PRDM1: variants seen among roughly 807,000 people sequenced by gnomAD.
The protein encoded by PRDM1 is PR domain zinc finger protein 1.
PRDM1 carries 13 observed loss-of-function variants against 62.8 expected under a neutral mutation model. The observed-to-expected ratio is 0.21, with a 90% CI of 0.13 to 0.33. The LOEUF (loss-of-function observed/expected upper bound fraction) is 0.33. PRDM1 is among the 10% of genes least tolerant of loss of function. The pLI is 1.00. For missense variants in PRDM1, 895 were observed against 1,058.8 expected, an observed-to-expected ratio of 0.85 and a Z score of 2.15; for synonymous variants, 396 against 417.6, an observed-to-expected ratio of 0.95 and a Z score of 0.63.
At chr6:106,098,168 A>G (rs1329926467) in intron 3 of PRDM1, 2 of 984,840 alleles carry the variant, frequency 2.0e-6, no homozygotes, top group African/African-American at 3.5e-5. Context: ...TGCTACGAAC[A>G]GTGCCTTACT....
At chr6:106,098,580 A>C in intron 3 of PRDM1, 1 of 1,304,616 alleles carries the variant, frequency 7.7e-7, no homozygotes, top group Admixed American at 2.3e-5. Flanking sequence ...CATTGAAAGG[A>C]AAGTGCAAGT....
chr6:106,005,617 C>T (rs146806368), intron 1 of PRDM1, among the ~76,000 whole-genome samples: 1,686 of 152,296 alleles, frequency 0.011, 27 homozygotes, highest in Non-Finnish European at 0.018. Flanking sequence ...CTATGAGTTT[C>T]AATTTTTCAC....
At chr6:106,029,648 C>T (rs780004017) in intron 1 of PRDM1, among the ~76,000 whole-genome samples, 1 of 151,976 alleles carries the variant, frequency 6.6e-6, no homozygotes, top group Non-Finnish European at 1.5e-5. Context: ...ACTCTGTCAC[C>T]CAGGCTGAGT....
At chr6:106,013,156 T>C (rs1276096177) in intron 1 of PRDM1, among the ~76,000 whole-genome samples, 1 of 151,900 alleles carries the variant, frequency 6.6e-6, no homozygotes, top group Non-Finnish European at 1.5e-5. Flanking sequence ...AGTGCTGAGA[T>C]TACAGGTGTG....
chr6:106,105,342 C>G lies in PRDM1; in HGVS notation c.1182C>G (p.Pro394=). 1.9e-6 allele frequency: 3 copies of G among 1,613,412 alleles called. No individual in the cohort carries two copies. The highest frequency in any genetic ancestry group is 2.5e-6 in the Non-Finnish European group (3 of 1,179,566). ...EGLGSYPGYA[P]LPHLPPAFIP... ...TGGGCTCCTACCCTGGCTACGCACC[C>G]CTGCCCCACCTCCCGCCAGCTTTCA... The change falls in exon 5 of 7, where the codon CCC becomes CCG. Residue 394 remains proline, a synonymous_variant. Transcript: ENST00000369096.
chr6:106,033,445 C>T (rs906138058), intron 1 of PRDM1, among the ~76,000 whole-genome samples: 24 of 151,892 alleles, frequency 1.6e-4, no homozygotes, highest in African/African-American at 4.8e-4. Context: ...TGAGCCACTA[C>T]GCCTGGAGAT....
intron 2 of PRDM1, among the ~76,000 whole-genome samples, chr6:106,093,384 G>A (rs1189868444): frequency 6.6e-6 from 1 of 152,188 alleles, no homozygotes; most frequent in Admixed American, 6.5e-5. Flanking sequence ...ATCTGTAAGA[G>A]ACTATAATTT....
chr6:106,005,467 A>T (rs1772471748), intron 1 of PRDM1, among the ~76,000 whole-genome samples: 1 of 152,198 alleles, frequency 6.6e-6, no homozygotes, highest in Non-Finnish European at 1.5e-5. Flanking sequence ...TCTTCCAATA[A>T]CTTGCCAAAT....
intron 1 of PRDM1, among the ~76,000 whole-genome samples, chr6:106,016,158 A>T (rs1772617120): frequency 6.6e-6 from 1 of 152,088 alleles, no homozygotes; most frequent in African/African-American, 2.4e-5. Context: ...TCAGAATTTC[A>T]TTCCTTTATG....
chr6:106,032,170 T>C (rs1057142169), intron 1 of PRDM1, among the ~76,000 whole-genome samples: 1 of 146,000 alleles, frequency 6.8e-6, no homozygotes, highest in Non-Finnish European at 1.5e-5. Context: ...TAAAGAATAC[T>C]TTATTTATTT....
intron 1 of PRDM1, among the ~76,000 whole-genome samples, chr6:106,036,765 GC>G (rs1441623380): frequency 1.3e-5 from 2 of 152,070 alleles, no homozygotes; most frequent in African/African-American, 4.8e-5. Context: ...TTTGAGACCA[GC>G]CTGGCCAACC....
chr6:106,086,353 G>T lies in PRDM1; in HGVS notation c.-201G>T, dbSNP rs538212684. The T allele has an allele frequency of 3.8e-6, 2 of 521,404 alleles. No individual in the cohort carries two copies. The highest frequency in any genetic ancestry group is 3.4e-6 in the Non-Finnish European group (1 of 290,154). 32.3% of individuals were successfully genotyped at this position (521,404 alleles called of 1,614,324 possible). ...AGACGGTTAACACAGACAAAGTGCT[G>T]CCGTGACACTCGGCCCTCCAGTGTT... On this transcript the variant is annotated 5_prime_UTR_variant, in exon 1 of 7. Coordinates refer to ENST00000369096, the MANE Select transcript of PRDM1 (RefSeq NM_001198.4).
intron 1 of PRDM1, among the ~76,000 whole-genome samples, chr6:106,071,728 C>A (rs749913133): frequency 2.6e-5 from 4 of 151,898 alleles, no homozygotes; most frequent in Non-Finnish European, 5.9e-5. Flanking sequence ...TCAGTCCAAG[C>A]CATATATTCA....
At chr6:106,038,166 G>A (rs1329120817) in intron 1 of PRDM1, among the ~76,000 whole-genome samples, 3 of 151,612 alleles carry the variant, frequency 2.0e-5, no homozygotes, top group African/African-American at 4.8e-5. Flanking sequence ...TCTATTTTTA[G>A]TAGACACAGG....
chr6:106,081,689 T>C (rs1773696938), upstream of PRDM1, among the ~76,000 whole-genome samples: 1 of 152,168 alleles, frequency 6.6e-6, no homozygotes, highest in Non-Finnish European at 1.5e-5. Context: ...GTGAAGAAAG[T>C]CAAGCCTCTA....
chr6:105,993,126 C>T (rs1215357461), upstream of PRDM1, among the ~76,000 whole-genome samples: 1 of 152,234 alleles, frequency 6.6e-6, no homozygotes, highest in Non-Finnish European at 1.5e-5. Context: ...CATGTCGACC[C>T]TCCTTTTACA....
At chr6:106,050,853 T>C (rs1773161913) in intron 1 of PRDM1, among the ~76,000 whole-genome samples, 1 of 152,200 alleles carries the variant, frequency 6.6e-6, no homozygotes, top group Admixed American at 6.5e-5. Flanking sequence ...ATTCAAAAGT[T>C]ACAAGTAAAG....
intron 1 of PRDM1, among the ~76,000 whole-genome samples, chr6:106,010,912 A>G (rs1258998468): frequency 6.6e-6 from 1 of 152,108 alleles, no homozygotes; most frequent in African/African-American, 2.4e-5. Flanking sequence ...CTTGCTCAGG[A>G]CTACAGGTTT....
chr6:106,104,430 C>T (rs1469458847), intron 4 of PRDM1, among the ~76,000 whole-genome samples: 1 of 152,126 alleles, frequency 6.6e-6, no homozygotes, highest in Non-Finnish European at 1.5e-5. Context: ...AGGCTGGTCT[C>T]GAACTTCCGA....
Sources: allele counts gnomAD v4.1 joint callset (sites outside exome capture counted in the v4.1 genomes callset), GRCh38; gene constraint gnomAD v4.1.1; transcripts MANE v1.5; gene names NCBI Gene and HGNC (gene_info 2026-07-23, HGNC 2026-07-21).